NDRG3: variants seen among roughly 807,000 people sequenced by gnomAD.
NDRG3 encodes the protein NDRG family member 3, also known as protein NDRG3.
Under a neutral mutation model 57.2 loss-of-function variants are expected in NDRG3, and 23 were observed. The ratio of observed to expected loss-of-function variants is 0.40; its 90% CI spans 0.29 to 0.57. The LOEUF (loss-of-function observed/expected upper bound fraction) is 0.57, where lower values mean the gene tolerates loss of function less well. Ranked by LOEUF, NDRG3 falls within the 20% of genes least tolerant of loss-of-function variation. NDRG3 has a pLI of 0.42. For synonymous variants in NDRG3, 132 were observed against 162.6 expected (o/e 0.81, Z 1.43); for missense variants, 384 against 457.3 (o/e 0.84, Z 1.46).
chr20:36,707,061 T>C (rs1983590241), intron 2 of NDRG3, 54 bp from the exon 3 acceptor site: 19 of 1,536,294 alleles, frequency 1.2e-5, no homozygotes, highest in Non-Finnish European at 1.6e-5. Context: ...TTTCCCCACA[T>C]GTGCAGCACA....
intron 5 of NDRG3, 121 bp from the exon 6 acceptor site, chr20:36,684,596 T>G (rs1981619914): frequency 3.6e-6 from 3 of 825,508 alleles, no homozygotes; most frequent in South Asian, 3.0e-5. Context: ...ATGCCTATAA[T>G]CCCAGCACTT....
chr20:36,687,395 T>C (rs942578697), intron 5 of NDRG3, 97 bp downstream of exon 5: 2 of 1,459,084 alleles, frequency 1.4e-6, no homozygotes, highest in African/African-American at 2.8e-5. Flanking sequence ...TAGACGGTAA[T>C]AAAATCAAAG....
intron 1 of NDRG3, among the ~76,000 whole-genome samples, chr20:36,737,462 T>C (rs1196739480): frequency 1.3e-5 from 2 of 152,162 alleles, no homozygotes; most frequent in Non-Finnish European, 2.9e-5. Flanking sequence ...TATATAATAC[T>C]CATACGAGCC....
chr20:36,687,916 T>C (rs1981926605), intron 4 of NDRG3, among the ~76,000 whole-genome samples: 2 of 152,258 alleles, frequency 1.3e-5, no homozygotes, highest in South Asian at 2.1e-4. Context: ...CATAATGCTG[T>C]CATTTCTCAT....
intron 5 of NDRG3, among the ~76,000 whole-genome samples, chr20:36,687,045 G>C (rs760985821): frequency 4.0e-4 from 61 of 152,002 alleles, no homozygotes; most frequent in Non-Finnish European, 8.2e-4. Context: ...TTTTTGTAGA[G>C]ACAAGGTATT....
At chr20:36,707,974 C>T (rs1176360559) in intron 2 of NDRG3, among the ~76,000 whole-genome samples, 1 of 151,868 alleles carries the variant, frequency 6.6e-6, no homozygotes, top group Non-Finnish European at 1.5e-5. Context: ...ATCCCAGCTA[C>T]TTGGGAGGCC....
Position 36,680,900 on chromosome 20 carries a change from G to A in NDRG3, c.447C>T (p.Leu149=). Residue 149 remains leucine, a splice_region_variant and synonymous_variant, in exon 8 of 16, where the codon CTC becomes CTT. Coordinates refer to ENST00000349004, the MANE Select transcript of NDRG3 (RefSeq NM_032013.4). ...AGAYILSRFA[L]NHPELVEGLV... The stretch of plus-strand genomic sequence containing the variant: ...GGCCTTCCACAAGCTCTGGATGGTT[G>A]AGCTGAAAGATGAGGCAAAGACAAT... The A allele has an allele frequency of 6.2e-7, 1 of 1,613,666 alleles. No homozygotes were observed. Among genetic ancestry groups the A allele is most frequent in the South Asian group, 1.1e-5 (1 of 91,062 alleles).
chr20:36,665,425 A>T (rs1979542908), intron 10 of NDRG3, 124 bp from the exon 11 acceptor site: 1 of 869,424 alleles, frequency 1.2e-6, no homozygotes, highest in Non-Finnish European at 1.9e-6. Flanking sequence ...CACACCTGAG[A>T]AGGGAAGAGG....
chr20:36,710,678 G>A (rs1159594237), intron 2 of NDRG3, among the ~76,000 whole-genome samples: 1 of 151,884 alleles, frequency 6.6e-6, no homozygotes, highest in African/African-American at 2.4e-5. Context: ...ATGGTGGCAC[G>A]TGCCTGTAAT....
chr20:36,687,521 C>T lies in NDRG3; in HGVS notation c.291G>A (p.Gln97=). 1 of 1,613,902 alleles carries T rather than the reference C, an allele frequency of 6.2e-7. No individual in the cohort carries two copies. The highest frequency in any genetic ancestry group is 1.1e-5 in the South Asian group (1 of 91,060). ...FAVCHVDAPG[Q]QEGAPSFPTG... ...TTGGGAAAGAGGGTGCACCTTCCTG[C>T]TGGCCTGGGGCATCCACATGACAGA... Residue 97 remains glutamine, a synonymous_variant, in exon 5 of 16, where the codon CAG becomes CAA. Coordinates refer to ENST00000349004, the MANE Select transcript of NDRG3 (RefSeq NM_032013.4).
chr20:36,733,492 A>G (rs1985445426), intron 1 of NDRG3, among the ~76,000 whole-genome samples: 3 of 151,974 alleles, frequency 2.0e-5, no homozygotes, highest in Admixed American at 2.0e-4. Flanking sequence ...TGGGAGGCCA[A>G]GGCGGGCGGA....
chr20:36,668,685 T>G (rs1979844753), intron 9 of NDRG3: 2 of 152,078 alleles, frequency 1.3e-5, no homozygotes, highest in Non-Finnish European at 2.9e-5. Flanking sequence ...TGCTTAAATT[T>G]TAAATGAACT....
At chr20:36,671,695 G>A (rs1394537318) in intron 8 of NDRG3, among the ~76,000 whole-genome samples, 2 of 151,796 alleles carry the variant, frequency 1.3e-5, no homozygotes, top group Admixed American at 6.6e-5. Flanking sequence ...CCTGCTACTC[G>A]GGAGGTTGAG....
intron 3 of NDRG3, among the ~76,000 whole-genome samples, chr20:36,690,089 A>G (rs1982141576): frequency 6.6e-6 from 1 of 152,098 alleles, no homozygotes; most frequent in Admixed American, 6.6e-5. Flanking sequence ...AACTTGGGAG[A>G]TTTTAGTAGG....
At chr20:36,669,790 G>A (rs1203055069) in intron 9 of NDRG3, among the ~76,000 whole-genome samples, 1 of 152,120 alleles carries the variant, frequency 6.6e-6, no homozygotes, top group Non-Finnish European at 1.5e-5. Context: ...TAGAGACAGA[G>A]TTTCACCATG....
intron 3 of NDRG3, among the ~76,000 whole-genome samples, chr20:36,692,885 GCAA>G (rs1202275046): frequency 6.6e-6 from 1 of 150,464 alleles, no homozygotes; most frequent in Non-Finnish European, 1.5e-5. Context: ...ACCAGCCCTG[GCAA>G]CATAGCAAGA....
Position 36,680,866 on chromosome 20 carries a change from T to C in NDRG3, c.481A>G (p.Ile161Val), listed in dbSNP as rs758750349. 1.9e-6 allele frequency: 3 copies of C among 1,614,128 alleles called. No homozygotes were observed. In the South Asian group the frequency reaches 3.3e-5, roughly 18 times the overall value. Residue 161 changes from isoleucine (I) to valine (V), a missense_variant, in exon 8 of 16, where the codon ATT (isoleucine) becomes GTT (valine). Transcript: ENST00000349004. ...CCTTTAGCGCAAGGGTCAACATTAA[T>C]GAGCACAAGGCCTTCCACAAGCTCT... ...HPELVEGLVL[I>V]NVDPCAKGWI...
chr20:36,679,150 G>A (rs1190990891), intron 8 of NDRG3, among the ~76,000 whole-genome samples: 2 of 152,136 alleles, frequency 1.3e-5, no homozygotes, highest in East Asian at 3.9e-4. Flanking sequence ...GTAGAGACAG[G>A]GTTTTGCCAT....
At position 36,721,737 on chromosome 20, in the gene NDRG3, A is replaced by T; in HGVS notation, c.-2T>A. 6.2e-7 allele frequency: 1 copy of T among 1,604,350 alleles called. No individual in the cohort carries two copies. Among genetic ancestry groups the T allele is most frequent in the African/African-American group, 1.3e-5 (1 of 74,786 alleles). ...CTGAACATCCTGAAGTTCATCCATGAGGTCAGATAACGAGAGTAGAGGAAT... is the reference window on the plus strand; with the variant it reads ...CTGAACATCCTGAAGTTCATCCATGTGGTCAGATAACGAGAGTAGAGGAAT... On this transcript the variant is annotated 5_prime_UTR_variant, in exon 2 of 16. Coordinates refer to ENST00000349004, the MANE Select transcript of NDRG3 (RefSeq NM_032013.4).
Sources: allele counts gnomAD v4.1 joint callset (sites outside exome capture counted in the v4.1 genomes callset), GRCh38; gene constraint gnomAD v4.1.1; transcripts MANE v1.5; gene names NCBI Gene and HGNC (gene_info 2026-07-23, HGNC 2026-07-21).